GMEB1: variants seen among roughly 807,000 people sequenced by gnomAD.
GMEB1 encodes glucocorticoid modulatory element binding protein 1, also known as glucocorticoid modulatory element-binding protein 1.
A neutral mutation model predicts 52.4 loss-of-function variants in GMEB1; 6 were observed. That is an observed-to-expected ratio of 0.11 (90% CI 0.06 to 0.23). GMEB1 has a LOEUF of 0.23. Among genes scored for constraint, GMEB1 ranks in the 10% least tolerant of loss-of-function variants. GMEB1 has a pLI of 1.00. For missense variants in GMEB1, 486 were observed against 685.6 expected (o/e 0.71, Z 3.25); for synonymous variants, 255 against 244.9 (o/e 1.04, Z -0.38).
chr1:28,701,034 C>G (rs894330235), intron 6 of GMEB1, among the ~76,000 whole-genome samples: 1 of 152,006 alleles, frequency 6.6e-6, no homozygotes, highest in African/African-American at 2.4e-5. Context: ...TTCCACGGGG[C>G]TGACTTTAGG....
At position 28,697,070 on chromosome 1, in the gene GMEB1, C is replaced by G; in HGVS notation, c.584C>G (p.Pro195Arg). 1 of 1,603,286 alleles carries G rather than the reference C, an allele frequency of 6.2e-7. No individual in the cohort carries two copies. The highest frequency in any genetic ancestry group is 8.5e-7 in the Non-Finnish European group (1 of 1,174,790). The change falls in exon 6 of 10, where the codon CCC becomes CGC. Residue 195 changes from proline to arginine, a missense_variant. Transcript: ENST00000373816. ...PGQQTSVVQTPTSADGSITQI... is the reference protein window; with the variant it reads ...PGQQTSVVQTRTSADGSITQI... The stretch of plus-strand genomic sequence containing the variant: ...CAGCAGACAAGTGTGGTGCAGACAC[C>G]CACTTCGGCTGATGGTAGGGGGTAG...
rs527287004 is a variant in GMEB1 at position 28,684,351 on chromosome 1, C to T, written c.128+611C>T. On this transcript the variant is annotated intron_variant, in intron 2 of 9. Coordinates refer to ENST00000373816, the MANE Select transcript of GMEB1 (RefSeq NM_001319674.2). ...GGCCGAGGCGCGTGGATCATGAGGT[C>T]AGGAGATCAAGACCATCCTGGCTAA... 3.3e-5 allele frequency among the ~76,000 whole-genome samples: 5 copies of T among 152,126 alleles called. No individual in the cohort carries two copies. The South Asian group carries it at 1.0e-3, about 32-fold the overall frequency.
At position 28,716,739 on chromosome 1, in the gene GMEB1, T is replaced by C. The variant is rs1029372095; in HGVS notation, c.*1966T>C. ...GTACCAGGAATGTCAATAATAATGC[T>C]TTGGGGGGGGGGGTTATTTTGTTTT... is the stretch of plus-strand genomic sequence containing the variant. On this transcript the variant is annotated 3_prime_UTR_variant, in exon 10 of 10. Coordinates refer to ENST00000373816, the MANE Select transcript of GMEB1 (RefSeq NM_001319674.2). The C allele has an allele frequency of 3.3e-5, 3 of 90,990 alleles. No homozygotes were observed. Among genetic ancestry groups the C allele is most frequent in the East Asian group, 5.4e-4 (2 of 3,680 alleles). The allele number at this position is 90,990 out of a possible 1,614,324, so 5.6% of individuals were successfully genotyped here.
intron 6 of GMEB1, among the ~76,000 whole-genome samples, chr1:28,697,312 G>A (rs1197612005): frequency 2.0e-5 from 3 of 151,472 alleles, no homozygotes; most frequent in African/African-American, 4.9e-5. Flanking sequence ...GGGTTCAAGC[G>A]ATTCTCCTGC....
intron 5 of GMEB1, among the ~76,000 whole-genome samples, chr1:28,695,938 CAAAAAAAAAAAAAAAAAAAA>C (rs58978972): frequency 9.7e-5 from 4 of 41,054 alleles, no homozygotes; most frequent in Non-Finnish European, 1.2e-4. Context: ...GACTCCGTCT[CAAAAAAAAAAAAAAAAAAAA>C]AAAAAAAAAA....
At chr1:28,678,796 A>G (rs1228073210) in intron 1 of GMEB1, among the ~76,000 whole-genome samples, 2 of 152,004 alleles carry the variant, frequency 1.3e-5, no homozygotes, top group African/African-American at 4.8e-5. Context: ...CATGTTGCCC[A>G]GGCTGGTCTT....
intron 3 of GMEB1, among the ~76,000 whole-genome samples, chr1:28,690,904 C>G (rs866028224): frequency 6.6e-6 from 1 of 151,920 alleles, no homozygotes; most frequent in Non-Finnish European, 1.5e-5. Flanking sequence ...CCCTTGAACC[C>G]GGGAGGTGGA....
At chr1:28,694,457 G>A (rs1318496863) in intron 5 of GMEB1, among the ~76,000 whole-genome samples, 1 of 150,432 alleles carries the variant, frequency 6.6e-6, no homozygotes, top group African/African-American at 2.4e-5. Flanking sequence ...GCCTCCCAAA[G>A]TGCTGAGATT....
chr1:28,688,234 G>A (rs1669782806), intron 2 of GMEB1, among the ~76,000 whole-genome samples: 1 of 152,178 alleles, frequency 6.6e-6, no homozygotes. Flanking sequence ...AGTGAGCCAA[G>A]ATCGCGCCAT....
At chr1:28,687,362 ACACACACACAC>A (rs1669699530) in intron 2 of GMEB1, among the ~76,000 whole-genome samples, 1 of 53,058 alleles carries the variant, frequency 1.9e-5, no homozygotes, top group Admixed American at 1.6e-4. Flanking sequence ...ACACACACAC[ACACACACACAC>A]ACACACACAC....
chr1:28,709,483 T>C (rs1196586748), intron 8 of GMEB1, among the ~76,000 whole-genome samples: 1 of 151,980 alleles, frequency 6.6e-6, no homozygotes, highest in Non-Finnish European at 1.5e-5. Context: ...ATATGGGAAA[T>C]AGCAAAACTG....
chr1:28,701,270 T>TTTTTTC (rs1670496492), intron 6 of GMEB1, among the ~76,000 whole-genome samples: 1 of 142,102 alleles, frequency 7.0e-6, no homozygotes, highest in Non-Finnish European at 1.5e-5. Flanking sequence ...AAAGCTGTCT[T>TTTTTTC]TTTTTTTTTT....
At chr1:28,711,277 ACT>A (rs1458474931) in intron 9 of GMEB1, among the ~76,000 whole-genome samples, 1 of 143,382 alleles carries the variant, frequency 7.0e-6, no homozygotes, top group Non-Finnish European at 1.5e-5. Context: ...CAAGAACGAG[ACT>A]CTGTCTCAAA....
At chr1:28,704,091 A>C in intron 7 of GMEB1, 101 bp from the exon 8 acceptor site, 1 of 1,107,014 alleles carries the variant, frequency 9.0e-7, no homozygotes, top group East Asian at 2.6e-5. Context: ...ATAAGAAATC[A>C]TTTTGAGTTA....
rs747529948 is a variant in GMEB1 at position 28,683,587 on chromosome 1, C to G, written c.-26C>G. Reference sequence around the variant, plus strand: ...GGTGCTTCTTGTTCCCGACAGCAGTCCCAGCTATCTGACTTCATGTGAAAG... The same window carrying G: ...GGTGCTTCTTGTTCCCGACAGCAGTGCCAGCTATCTGACTTCATGTGAAAG... On this transcript the variant is annotated 5_prime_UTR_variant, in exon 2 of 10. Transcript: ENST00000373816. 6 of 1,584,600 alleles carry G rather than the reference C, an allele frequency of 3.8e-6. No homozygotes were observed. The highest frequency in any genetic ancestry group is 5.1e-6 in the Non-Finnish European group (6 of 1,166,836).
At position 28,688,023 on chromosome 1, in the gene GMEB1, G is replaced by A. The variant is rs1051361219; in HGVS notation, c.129-2081G>A. On this transcript the variant is annotated intron_variant, in intron 2 of 9. Transcript: ENST00000373816. ...TATTTGGCTGGGCACGGTGGCTCAC[G>A]CCTGTAATCCCAGCACTTTGGGAGG... 3.2e-4 allele frequency among the ~76,000 whole-genome samples: 49 copies of A among 152,110 alleles called. 1 individual carries two copies. Among genetic ancestry groups the A allele is most frequent in the Non-Finnish European group, 7.1e-4 (48 of 68,024 alleles).
intron 8 of GMEB1, among the ~76,000 whole-genome samples, chr1:28,709,234 G>A (rs1160279787): frequency 1.3e-5 from 2 of 152,034 alleles, no homozygotes; most frequent in African/African-American, 2.4e-5. Flanking sequence ...TTGAACCTGG[G>A]AGGCAGGGCT....
At chr1:28,714,047 A>G (rs753638743) in intron 9 of GMEB1, 26 bp from the exon 10 acceptor site, 74 of 1,559,966 alleles carry the variant, frequency 4.7e-5, no homozygotes, top group Non-Finnish European at 6.0e-5. Context: ...TTCCCTCTAC[A>G]CAAAGTCTTT....
intron 9 of GMEB1, among the ~76,000 whole-genome samples, chr1:28,713,415 G>A (rs1285752400): frequency 6.6e-6 from 1 of 152,180 alleles, no homozygotes; most frequent in Non-Finnish European, 1.5e-5. Flanking sequence ...GAGGGATAGT[G>A]ATAGGCGTAC....
Sources: gnomAD v4.1 joint callset for allele counts (sites outside exome capture counted in the v4.1 genomes callset) on GRCh38, gnomAD v4.1.1 for gene constraint, MANE v1.5 for transcripts, NCBI Gene and HGNC (gene_info 2026-07-23, HGNC 2026-07-21) for gene names.